The following GSE1 variants were observed in gnomAD, a reference collection of about 807,000 sequenced individuals.
The protein encoded by GSE1 is Gse1 coiled-coil protein.
GSE1 carries 32 observed loss-of-function variants against 112.6 expected under a neutral mutation model. The ratio of observed to expected loss-of-function variants is 0.28; its 90% CI spans 0.21 to 0.38. The LOEUF (loss-of-function observed/expected upper bound fraction) is 0.38, where lower values mean the gene tolerates loss of function less well. Among genes scored for constraint, GSE1 ranks in the 10% least tolerant of loss-of-function variants. The pLI, the probability that GSE1 is intolerant of heterozygous loss-of-function variation, is 1.00. For synonymous variants in GSE1, 1,115 were observed against 735.6 expected, an observed-to-expected ratio of 1.52 and a Z score of -8.35; for missense variants, 2,348 against 1,699.2, an observed-to-expected ratio of 1.38 and a Z score of -6.71.
At chr16:85,515,704 T>G (rs1436501972) in intron 2 of GSE1, among the ~76,000 whole-genome samples, 1 of 152,028 alleles carries the variant, frequency 6.6e-6, no homozygotes, top group African/African-American at 2.4e-5. Flanking sequence ...ACCCTGCAGC[T>G]GGGCTGTGCA....
intron 2 of GSE1, among the ~76,000 whole-genome samples, chr16:85,413,318 T>A (rs1218787335): frequency 2.0e-5 from 3 of 152,090 alleles, no homozygotes; most frequent in Non-Finnish European, 4.4e-5. Flanking sequence ...GCTTTGGCGC[T>A]TTACCTAGGA....
chr16:85,467,527 T>C (rs886289811), intron 2 of GSE1, among the ~76,000 whole-genome samples: 1 of 151,416 alleles, frequency 6.6e-6, no homozygotes, highest in Non-Finnish European at 1.5e-5. Context: ...TTGTGCCTGG[T>C]GTTTGTGCTG....
chr16:85,214,560 TCTC>T (rs2075278723), intron 1 of GSE1, among the ~76,000 whole-genome samples: 1 of 152,094 alleles, frequency 6.6e-6, no homozygotes, highest in African/African-American at 2.4e-5. Flanking sequence ...AATCCAGACT[TCTC>T]CTAACCGAAC....
chr16:85,556,948 T>G (rs1183216567), intron 1 of GSE1, among the ~76,000 whole-genome samples: 1 of 151,984 alleles, frequency 6.6e-6, no homozygotes, highest in Non-Finnish European at 1.5e-5. Context: ...GCTTCCTGTT[T>G]CCTTAACCTT....
chr16:85,642,951 C>G (rs968019461), intron 2 of GSE1, among the ~76,000 whole-genome samples: 2 of 152,152 alleles, frequency 1.3e-5, no homozygotes, highest in Non-Finnish European at 2.9e-5. Flanking sequence ...GGAGAGTGGT[C>G]CTGTGGCGTG....
At chr16:85,494,989 G>T (rs770407433) in intron 2 of GSE1, among the ~76,000 whole-genome samples, 6 of 141,476 alleles carry the variant, frequency 4.2e-5, no homozygotes, top group Non-Finnish European at 8.0e-5. Context: ...CAACCACTGG[G>T]CACAGGGGCA....
chr16:85,426,873 G>T (rs1000160640), intron 2 of GSE1, among the ~76,000 whole-genome samples: 1 of 152,168 alleles, frequency 6.6e-6, no homozygotes, highest in Non-Finnish European at 1.5e-5. Context: ...TTATTTTGTA[G>T]GGAGAAGTGC....
intron 1 of GSE1, among the ~76,000 whole-genome samples, chr16:85,335,216 CG>C (rs1341096751): frequency 6.6e-6 from 1 of 152,254 alleles, no homozygotes; most frequent in Non-Finnish European, 1.5e-5. Context: ...ACACCCATCC[CG>C]GGAGGCCCCA....
At chr16:85,608,232 CAGGGCTG>C (rs2047798366), upstream of GSE1, among the ~76,000 whole-genome samples, 1 of 152,084 alleles carries the variant, frequency 6.6e-6, no homozygotes, top group African/African-American at 2.4e-5. Flanking sequence ...ATGCGTAGGG[CAGGGCTG>C]GGGGCTGAGG....
chr16:85,485,303 G>C (rs1044194771), intron 2 of GSE1, among the ~76,000 whole-genome samples: 2 of 152,232 alleles, frequency 1.3e-5, no homozygotes, highest in Non-Finnish European at 2.9e-5. Flanking sequence ...TCCGGAGAGG[G>C]AGAGACAGGA....
intron 2 of GSE1, among the ~76,000 whole-genome samples, chr16:85,546,479 T>G (rs2151221431): frequency 6.6e-6 from 1 of 152,326 alleles, no homozygotes; most frequent in Non-Finnish European, 1.5e-5. Context: ...AGATATTTAT[T>G]TCTCAAGGAC....
At chr16:85,384,222 C>T (rs909732139) in intron 2 of GSE1, among the ~76,000 whole-genome samples, 5 of 152,122 alleles carry the variant, frequency 3.3e-5, no homozygotes, top group Admixed American at 2.6e-4. Context: ...CTGATGGGGG[C>T]CCCGAGACCC....
chr16:85,293,156 C>T (rs2045270970), intron 1 of GSE1, among the ~76,000 whole-genome samples: 1 of 152,102 alleles, frequency 6.6e-6, no homozygotes, highest in African/African-American at 2.4e-5. Flanking sequence ...GCTTTTGTCC[C>T]CCCATCGCTG....
chr16:85,581,725 T>C (rs1443464983), intron 1 of GSE1, among the ~76,000 whole-genome samples: 1 of 152,196 alleles, frequency 6.6e-6, no homozygotes, highest in Non-Finnish European at 1.5e-5. Context: ...TGGGCTGACC[T>C]GTGACCTGTC....
chr16:85,243,479 G>T (rs564323089), intron 1 of GSE1, among the ~76,000 whole-genome samples: 1 of 152,186 alleles, frequency 6.6e-6, no homozygotes, highest in Non-Finnish European at 1.5e-5. Flanking sequence ...AGGCGGTGGC[G>T]TGTGGCTGCT....
At chr16:85,275,419 C>G (rs1462495475) in intron 1 of GSE1, among the ~76,000 whole-genome samples, 1 of 152,224 alleles carries the variant, frequency 6.6e-6, no homozygotes. Context: ...GGCTCACTCC[C>G]TTGGCACCAG....
intron 2 of GSE1, among the ~76,000 whole-genome samples, chr16:85,424,314 C>T (rs531904397): frequency 1.4e-4 from 21 of 152,232 alleles, no homozygotes; most frequent in Non-Finnish European, 2.6e-4. Context: ...TTCTTGGCGA[C>T]GGCAGGGTCG....
At chr16:85,508,562 G>A (rs560612244) in intron 2 of GSE1, among the ~76,000 whole-genome samples, 31 of 152,268 alleles carry the variant, frequency 2.0e-4, no homozygotes, top group South Asian at 6.2e-4. Context: ...GCCTCCAGCC[G>A]TCCACCCCCT....
chr16:85,432,106 T>C (rs2049137589), intron 2 of GSE1, among the ~76,000 whole-genome samples: 1 of 152,180 alleles, frequency 6.6e-6, no homozygotes. Context: ...CTGGCTGACT[T>C]CTCATCAAAA....
Sources: allele counts gnomAD v4.1 joint callset (sites outside exome capture counted in the v4.1 genomes callset), GRCh38; gene constraint gnomAD v4.1.1; transcripts MANE v1.5; gene names NCBI Gene and HGNC (gene_info 2026-07-23, HGNC 2026-07-21).